DPP10: variants seen among roughly 807,000 people sequenced by gnomAD.
DPP10 encodes inactive dipeptidyl peptidase 10.
A neutral mutation model predicts 120.9 loss-of-function variants in DPP10; 33 were observed. That is an observed-to-expected ratio of 0.27 (90% confidence interval 0.21 to 0.37). The LOEUF is 0.37. Among genes scored for constraint, DPP10 ranks in the 10% least tolerant of loss-of-function variants. The pLI is 1.00. For synonymous variants in DPP10, 337 were observed against 326.1 expected, an observed-to-expected ratio of 1.03 and a Z score of -0.36; for missense variants, 816 against 942.8, an observed-to-expected ratio of 0.87 and a Z score of 1.76.
chr2:115,067,880 A>AG (rs1169130114), intron 1 of DPP10, among the ~76,000 whole-genome samples: 4 of 147,408 alleles, frequency 2.7e-5, no homozygotes, highest in Admixed American at 1.3e-4. Flanking sequence ...AAAAAAAAAA[A>AG]GAAAAAAAAG....
intron 5 of DPP10, among the ~76,000 whole-genome samples, chr2:115,652,596 T>C (rs1249598768): frequency 6.6e-6 from 1 of 151,904 alleles, no homozygotes; most frequent in East Asian, 1.9e-4. Context: ...GGTACAGTTC[T>C]AGTGTGAGTC....
rs1032951094 is a variant in DPP10 at position 114,801,313 on chromosome 2, G to A, written c.60+358475G>A. 2.7e-5 allele frequency among the ~76,000 whole-genome samples: 4 copies of A among 149,514 alleles called. No homozygotes were observed. In the South Asian group the frequency reaches 8.6e-4, roughly 32 times the overall value. On this transcript the variant is annotated intron_variant, in intron 1 of 25. Transcript: ENST00000410059. ...GAAAGAAAGAAAGGTACAGAAGATA[G>A]AAGAAAATAAAACAAATGATGAATG...
At chr2:115,652,020 C>G (rs906167526) in intron 5 of DPP10, among the ~76,000 whole-genome samples, 7 of 152,006 alleles carry the variant, frequency 4.6e-5, no homozygotes, top group African/African-American at 1.7e-4. Context: ...CGAATTCAGA[C>G]TCTATAATTG....
At chr2:115,095,525 A>G (rs1709648341) in intron 1 of DPP10, among the ~76,000 whole-genome samples, 2 of 151,804 alleles carry the variant, frequency 1.3e-5, no homozygotes, top group Non-Finnish European at 2.9e-5. Flanking sequence ...AGATCTATTC[A>G]GGAAAATGTT....
intron 1 of DPP10, among the ~76,000 whole-genome samples, chr2:114,599,937 A>G (rs1692231661): frequency 6.6e-6 from 1 of 151,556 alleles, no homozygotes; most frequent in South Asian, 2.1e-4. Flanking sequence ...TCTCCATTGA[A>G]TTGCTTCAAA....
At chr2:114,546,727 T>G (rs1221313282) in intron 1 of DPP10, among the ~76,000 whole-genome samples, 1 of 152,220 alleles carries the variant, frequency 6.6e-6, no homozygotes, top group Non-Finnish European at 1.5e-5. Context: ...GTGTGCACAC[T>G]TAATTGAGGC....
intron 1 of DPP10, among the ~76,000 whole-genome samples, chr2:115,233,212 A>AGTGT (rs72071460): frequency 7.2e-4 from 107 of 148,940 alleles, no homozygotes; most frequent in African/African-American, 2.2e-3. Flanking sequence ...AGGTATATTG[A>AGTGT]GTGTGTGTGT....
chr2:115,695,783 G>A (rs2091552493), intron 7 of DPP10, among the ~76,000 whole-genome samples: 1 of 152,016 alleles, frequency 6.6e-6, no homozygotes, highest in African/African-American at 2.4e-5. Flanking sequence ...AGAATACAAA[G>A]CAATAAGGAA....
chr2:115,516,825 A>T (rs755797098), intron 4 of DPP10, among the ~76,000 whole-genome samples: 29 of 152,156 alleles, frequency 1.9e-4, no homozygotes, highest in Admixed American at 3.9e-4. Flanking sequence ...AATGAACAAA[A>T]AATATAAATG....
chr2:115,746,881 A>G (rs1360422343), intron 10 of DPP10, among the ~76,000 whole-genome samples: 1 of 152,214 alleles, frequency 6.6e-6, no homozygotes, highest in Non-Finnish European at 1.5e-5. Flanking sequence ...GCTGATTTAG[A>G]AAAATGTTTT....
intron 1 of DPP10, among the ~76,000 whole-genome samples, chr2:115,044,505 C>T (rs1324154790): frequency 1.3e-5 from 2 of 152,186 alleles, no homozygotes; most frequent in East Asian, 3.9e-4. Flanking sequence ...CTAATGCTAA[C>T]CAGATCTTAC....
intron 7 of DPP10, among the ~76,000 whole-genome samples, chr2:115,723,367 A>T (rs1038226500): frequency 2.0e-5 from 3 of 152,130 alleles, no homozygotes; most frequent in Non-Finnish European, 2.9e-5. Flanking sequence ...TCACTTGACG[A>T]TATCTCAGTG....
At chr2:114,478,054 G>T (rs1680677362) in intron 1 of DPP10, among the ~76,000 whole-genome samples, 1 of 151,556 alleles carries the variant, frequency 6.6e-6, no homozygotes, top group Admixed American at 6.6e-5. Flanking sequence ...AATTTAGGCA[G>T]CTAAAAATAC....
chr2:115,183,930 T>C (rs1487083692), intron 1 of DPP10, among the ~76,000 whole-genome samples: 1 of 152,068 alleles, frequency 6.6e-6, no homozygotes, highest in African/African-American at 2.4e-5. Flanking sequence ...AAAGTGTCCA[T>C]GGAAAGAACG....
At chr2:114,904,967 G>A (rs1057480507) in intron 1 of DPP10, among the ~76,000 whole-genome samples, 10 of 152,024 alleles carry the variant, frequency 6.6e-5, no homozygotes, top group African/African-American at 2.4e-4. Context: ...GGATCAACTG[G>A]CAGATTTTAT....
intron 1 of DPP10, among the ~76,000 whole-genome samples, chr2:114,737,728 G>T (rs1338253683): frequency 6.6e-6 from 1 of 152,204 alleles, no homozygotes; most frequent in Non-Finnish European, 1.5e-5. Context: ...AGTGACATGG[G>T]TTCTGTTCTC....
intron 1 of DPP10, among the ~76,000 whole-genome samples, chr2:114,849,568 C>G (rs971805271): frequency 5.3e-5 from 8 of 152,044 alleles, no homozygotes; most frequent in Non-Finnish European, 1.2e-4. Context: ...GAACTCCTGA[C>G]CAGCCTGAGC....
chr2:115,135,468 C>G (rs2050604621), intron 1 of DPP10, among the ~76,000 whole-genome samples: 2 of 152,102 alleles, frequency 1.3e-5, no homozygotes, highest in South Asian at 4.1e-4. Flanking sequence ...ATTCCATTTT[C>G]AAGGTCAGCG....
chr2:114,796,000 C>A (rs1418092500), intron 1 of DPP10, among the ~76,000 whole-genome samples: 2 of 152,126 alleles, frequency 1.3e-5, no homozygotes, highest in Non-Finnish European at 2.9e-5. Context: ...AATTTTGTAG[C>A]CACCTCCAGT....
Sources: allele counts gnomAD v4.1 joint callset (sites outside exome capture counted in the v4.1 genomes callset), GRCh38; gene constraint gnomAD v4.1.1; transcripts MANE v1.5; gene names NCBI Gene and HGNC (gene_info 2026-07-23, HGNC 2026-07-21).